Variants in SEMA3A observed in about 807,000 individuals in gnomAD.
SEMA3A encodes the protein semaphorin 3A.
SEMA3A carries 29 observed loss-of-function variants against 97.9 expected under a neutral mutation model. The ratio of observed to expected loss-of-function variants is 0.30; its 90% confidence interval spans 0.22 to 0.40. The LOEUF is 0.40. Among genes scored for constraint, SEMA3A ranks in the 10% least tolerant of loss-of-function variants. SEMA3A has a pLI of 1.00. For synonymous variants in SEMA3A, 321 were observed against 323.7 expected (o/e 0.99, Z 0.09); for missense variants, 763 against 951.3 (o/e 0.80, Z 2.60).
At chr7:84,050,306 C>T (rs908708872) in intron 5 of SEMA3A, among the ~76,000 whole-genome samples, 2 of 152,298 alleles carry the variant, frequency 1.3e-5, no homozygotes, top group African/African-American at 4.8e-5. Context: ...AATGGTTGAA[C>T]TAGTTTACAG....
intron 3 of SEMA3A, among the ~76,000 whole-genome samples, chr7:84,257,411 G>T (rs984240353): frequency 6.6e-6 from 1 of 151,990 alleles, no homozygotes; most frequent in Non-Finnish European, 1.5e-5. Context: ...TTAGGAAACC[G>T]GGACCATAAT....
At chr7:84,454,655 T>A (rs554191040) in intron 1 of SEMA3A, among the ~76,000 whole-genome samples, 1 of 152,216 alleles carries the variant, frequency 6.6e-6, no homozygotes, top group East Asian at 1.9e-4. Context: ...TGTCTTGGGC[T>A]ATGTACAAAA....
chr7:83,996,751 G>A (rs958332090), intron 12 of SEMA3A, among the ~76,000 whole-genome samples: 6 of 152,132 alleles, frequency 3.9e-5, no homozygotes, highest in Admixed American at 3.9e-4. Flanking sequence ...TCAGGTTTAT[G>A]ATTGCAAATC....
chr7:84,175,997 T>G (rs1268220734), intron 1 of SEMA3A, among the ~76,000 whole-genome samples: 1 of 152,190 alleles, frequency 6.6e-6, no homozygotes, highest in Non-Finnish European at 1.5e-5. Flanking sequence ...ATCACTTTAT[T>G]TGACATGGGA....
intron 1 of SEMA3A, 32 bp downstream of exon 1, chr7:84,194,443 A>G: frequency 6.9e-7 from 1 of 1,455,220 alleles, no homozygotes; most frequent in Non-Finnish European, 9.6e-7. Context: ...GTTATTACAA[A>G]GCTAACCAAA....
At chr7:84,425,552 A>G (rs1804794915) in intron 1 of SEMA3A, among the ~76,000 whole-genome samples, 1 of 145,308 alleles carries the variant, frequency 6.9e-6, no homozygotes, top group Non-Finnish European at 1.5e-5. Context: ...ATGAATATAA[A>G]CATATTTATA....
intron 1 of SEMA3A, among the ~76,000 whole-genome samples, chr7:84,432,494 T>C (rs12674029): frequency 0.096 from 14,600 of 152,106 alleles, 1,249 homozygotes; most frequent in African/African-American, 0.2. Flanking sequence ...ATCACCCAAG[T>C]AGTGAGTGTA....
chr7:84,484,366 G>A (rs913378659), intron 1 of SEMA3A, among the ~76,000 whole-genome samples: 1 of 151,990 alleles, frequency 6.6e-6, no homozygotes, highest in African/African-American at 2.4e-5. Context: ...TATTTTTCTT[G>A]TTGGTGCATA....
chr7:84,431,209 G>T (rs1332455222), intron 1 of SEMA3A, among the ~76,000 whole-genome samples: 1 of 151,942 alleles, frequency 6.6e-6, no homozygotes, highest in African/African-American at 2.4e-5. Context: ...CAGCCCTAAT[G>T]AAAACATTTT....
intron 1 of SEMA3A, among the ~76,000 whole-genome samples, chr7:84,422,199 G>A (rs766468173): frequency 1.8e-4 from 27 of 151,942 alleles, no homozygotes; most frequent in Non-Finnish European, 3.8e-4. Context: ...TTCAGAACTT[G>A]TTGCTGGTCT....
At chr7:84,447,802 G>A (rs1484584124) in intron 1 of SEMA3A, among the ~76,000 whole-genome samples, 1 of 152,242 alleles carries the variant, frequency 6.6e-6, no homozygotes, top group Non-Finnish European at 1.5e-5. Flanking sequence ...TGCGGGCTAT[G>A]AGGAGAGAAG....
intron 1 of SEMA3A, among the ~76,000 whole-genome samples, chr7:84,192,614 T>A (rs1798082845): frequency 6.6e-6 from 1 of 151,938 alleles, no homozygotes; most frequent in Non-Finnish European, 1.5e-5. Context: ...CAAAGGATAT[T>A]CAAATTAAAT....
At chr7:84,457,773 A>T (rs185395522) in intron 1 of SEMA3A, among the ~76,000 whole-genome samples, 1 of 152,100 alleles carries the variant, frequency 6.6e-6, no homozygotes, top group African/African-American at 2.4e-5. Flanking sequence ...AACTATTCTT[A>T]ATTTCTTCTC....
intron 1 of SEMA3A, among the ~76,000 whole-genome samples, chr7:84,460,893 G>C (rs2116387298): frequency 6.6e-6 from 1 of 152,242 alleles, no homozygotes; most frequent in East Asian, 1.9e-4. Context: ...ACTCCAAAGT[G>C]CAAAATTGAG....
chr7:84,084,619 T>C (rs1221783522), intron 4 of SEMA3A, among the ~76,000 whole-genome samples: 1 of 152,100 alleles, frequency 6.6e-6, no homozygotes, highest in African/African-American at 2.4e-5. Context: ...ATTCCTATTC[T>C]ATTTTGTTTA....
At chr7:84,455,725 G>A (rs188118283) in intron 1 of SEMA3A, among the ~76,000 whole-genome samples, 1 of 152,002 alleles carries the variant, frequency 6.6e-6, no homozygotes, top group Non-Finnish European at 1.5e-5. Context: ...GAAGTGATAA[G>A]AATTTTCTTA....
chr7:84,389,292 A>C (rs1039283094), intron 1 of SEMA3A, among the ~76,000 whole-genome samples: 1 of 152,020 alleles, frequency 6.6e-6, no homozygotes, highest in East Asian at 1.9e-4. Context: ...TACTCTTTCT[A>C]TGCTTCTCCC....
intron 13 of SEMA3A, among the ~76,000 whole-genome samples, chr7:83,983,215 TTTTC>T (rs1562953521): frequency 6.8e-6 from 1 of 147,628 alleles, no homozygotes; most frequent in Non-Finnish European, 1.5e-5. Flanking sequence ...CTTTCTTTCC[TTTTC>T]TTTTTCTTTC....
chr7:84,115,744 C>T (rs1356327974), intron 3 of SEMA3A, among the ~76,000 whole-genome samples: 1 of 152,090 alleles, frequency 6.6e-6, no homozygotes, highest in Non-Finnish European at 1.5e-5. Flanking sequence ...GGGAAATCTA[C>T]ATAAATATGT....
Sources: gnomAD v4.1 joint callset for allele counts (sites outside exome capture counted in the v4.1 genomes callset) on GRCh38, gnomAD v4.1.1 for gene constraint, MANE v1.5 for transcripts, NCBI Gene and HGNC (gene_info 2026-07-23, HGNC 2026-07-21) for gene names.